Variants in LSAMP observed in about 807,000 individuals in gnomAD.
LSAMP encodes limbic system associated membrane protein, also known as limbic system-associated membrane protein.
Under a neutral mutation model 38.6 loss-of-function variants are expected in LSAMP, and 7 were observed. The observed-to-expected ratio is 0.18, with a 90% CI of 0.10 to 0.34. The LOEUF (loss-of-function observed/expected upper bound fraction) is 0.34, where lower values mean the gene tolerates loss of function less well. LSAMP is among the 10% of genes least tolerant of loss of function. The probability of loss-of-function intolerance (pLI) is 1.00; values close to 1 mark genes in which losing one functional copy is unlikely to be tolerated. For synonymous variants in LSAMP, 154 were observed against 166.8 expected, an observed-to-expected ratio of 0.92 and a Z score of 0.59; for missense variants, 313 against 420.0, an observed-to-expected ratio of 0.75 and a Z score of 2.23.
chr3:116,254,832 T>C (rs958552666), intron 1 of LSAMP, among the ~76,000 whole-genome samples: 5 of 152,208 alleles, frequency 3.3e-5, no homozygotes, highest in African/African-American at 9.6e-5. Flanking sequence ...TAAAAACTCA[T>C]GATTTTGCCA....
In LSAMP at chr3:115,910,050, A is replaced by AT. The variant is rs1183958808; in HGVS notation, c.515-57434dup. ...CATAACAATATTTTTCAGATTATGG[A>AT]TTTTTTTCTCATTTGATCATTATAT... On this transcript the variant is annotated intron_variant, in intron 3 of 6. Coordinates refer to ENST00000490035, the MANE Select transcript of LSAMP (RefSeq NM_002338.5). Among the ~76,000 whole-genome samples the AT allele has an allele frequency of 1.1e-4, 16 of 152,230 alleles. 1 individual carries two copies. In the East Asian group the frequency reaches 1.3e-3, roughly 13 times the overall value.
At chr3:116,402,558 AG>A (rs2048852641) in intron 1 of LSAMP, among the ~76,000 whole-genome samples, 1 of 152,178 alleles carries the variant, frequency 6.6e-6, no homozygotes, top group South Asian at 2.1e-4. Context: ...AACCCTAAAA[AG>A]TATGCTAATA....
At chr3:116,100,613 G>A (rs187732067) in intron 1 of LSAMP, among the ~76,000 whole-genome samples, 20 of 152,134 alleles carry the variant, frequency 1.3e-4, no homozygotes, top group Non-Finnish European at 4.4e-5. Flanking sequence ...TTTGGTCTGC[G>A]ATATTGTATC....
At chr3:116,349,144 A>G (rs1344662490) in intron 1 of LSAMP, among the ~76,000 whole-genome samples, 7 of 152,054 alleles carry the variant, frequency 4.6e-5, no homozygotes, top group Admixed American at 1.3e-4. Context: ...GTGTTTAGAA[A>G]AGTTCTGCAC....
At chr3:116,323,299 T>G (rs2047729369) in intron 1 of LSAMP, among the ~76,000 whole-genome samples, 1 of 152,054 alleles carries the variant, frequency 6.6e-6, no homozygotes, top group African/African-American at 2.4e-5. Flanking sequence ...TTGCATACCT[T>G]TTTTTTCCCC....
intron 1 of LSAMP, among the ~76,000 whole-genome samples, chr3:116,281,368 C>T (rs769210434): frequency 9.2e-5 from 14 of 152,098 alleles, no homozygotes; most frequent in Non-Finnish European, 1.8e-4. Flanking sequence ...TGAGACAATC[C>T]TTAGTATACC....
intron 2 of LSAMP, among the ~76,000 whole-genome samples, chr3:116,036,622 C>T (rs181858729): frequency 2.4e-4 from 36 of 152,174 alleles, no homozygotes; most frequent in Admixed American, 1.1e-3. Context: ...AGTCACTGAG[C>T]CTGGAAATTT....
At chr3:116,062,129 A>G (rs1463153839) in intron 2 of LSAMP, among the ~76,000 whole-genome samples, 2 of 152,240 alleles carry the variant, frequency 1.3e-5, no homozygotes, top group Admixed American at 1.3e-4. Flanking sequence ...TAATAAGCCA[A>G]TGAAATGGAA....
At chr3:115,815,179 CTT>C (rs1390167164) in intron 6 of LSAMP, among the ~76,000 whole-genome samples, 1 of 152,070 alleles carries the variant, frequency 6.6e-6, no homozygotes, top group Non-Finnish European at 1.5e-5. Flanking sequence ...ATTCACATAA[CTT>C]TTATTACAGT....
intron 2 of LSAMP, among the ~76,000 whole-genome samples, chr3:116,031,834 G>A (rs1328994470): frequency 6.6e-6 from 1 of 151,844 alleles, no homozygotes; most frequent in Admixed American, 6.6e-5. Context: ...TAAATAGAAT[G>A]TGGAACATAC....
At chr3:116,257,282 C>T (rs1015158942) in intron 1 of LSAMP, among the ~76,000 whole-genome samples, 2 of 152,164 alleles carry the variant, frequency 1.3e-5, no homozygotes. Context: ...TACTCCATCC[C>T]TCAGAAGGCT....
chr3:116,209,425 TC>T (rs1188101061), intron 1 of LSAMP, among the ~76,000 whole-genome samples: 2 of 152,216 alleles, frequency 1.3e-5, no homozygotes, highest in Non-Finnish European at 2.9e-5. Flanking sequence ...GGCTCTTCCC[TC>T]AAATTTCTAT....
In LSAMP at chr3:115,954,544, C is replaced by G. The variant is rs570868694; in HGVS notation, c.514+64971G>C. 3.9e-5 allele frequency among the ~76,000 whole-genome samples: 6 copies of G among 152,200 alleles called. No homozygotes were observed. The South Asian group carries it at 1.2e-3, about 32-fold the overall frequency. On this transcript the variant is annotated intron_variant, in intron 3 of 6. Coordinates refer to ENST00000490035, the MANE Select transcript of LSAMP (RefSeq NM_002338.5). Reference sequence around the variant, plus strand: ...AAAAAGTACAAAAGTCTGATACATTCCTCTTTGACACATCAGCTGCTGCAC... The same window carrying G: ...AAAAAGTACAAAAGTCTGATACATTGCTCTTTGACACATCAGCTGCTGCAC...
intron 3 of LSAMP, among the ~76,000 whole-genome samples, chr3:115,859,472 G>C (rs1935610786): frequency 1.3e-5 from 2 of 152,200 alleles, no homozygotes; most frequent in African/African-American, 4.8e-5. Flanking sequence ...GCATATGACT[G>C]TTTAGACATT....
intron 1 of LSAMP, among the ~76,000 whole-genome samples, chr3:116,122,310 TTGA>T (rs367729101): frequency 4.4e-4 from 67 of 152,302 alleles, no homozygotes; most frequent in African/African-American, 1.5e-3. Flanking sequence ...AAAGGATATG[TTGA>T]TGATGGTAAT....
At chr3:115,888,644 ACAC>A (rs1470568158) in intron 3 of LSAMP, among the ~76,000 whole-genome samples, 1 of 151,916 alleles carries the variant, frequency 6.6e-6, no homozygotes, top group East Asian at 1.9e-4. Flanking sequence ...CCAGACTTCC[ACAC>A]TTATTGCTTG....
chr3:115,851,448 G>T (rs1010371005), intron 4 of LSAMP, among the ~76,000 whole-genome samples: 8 of 152,086 alleles, frequency 5.3e-5, no homozygotes, highest in African/African-American at 1.9e-4. Context: ...TTGGGTTGTG[G>T]TTTTTCAAAC....
intron 4 of LSAMP, among the ~76,000 whole-genome samples, chr3:115,843,014 G>C (rs1405255983): frequency 6.6e-6 from 1 of 152,178 alleles, no homozygotes; most frequent in Non-Finnish European, 1.5e-5. Context: ...AGATGGCCTT[G>C]AGGAGTCTGA....
chr3:116,062,446 G>GCGGA (rs1442978527), intron 2 of LSAMP, among the ~76,000 whole-genome samples: 1 of 152,154 alleles, frequency 6.6e-6, no homozygotes, highest in Non-Finnish European at 1.5e-5. Flanking sequence ...AACTCAGGAG[G>GCGGA]CGGAGGTTGC....
Sources: gnomAD v4.1 joint callset for allele counts (sites outside exome capture counted in the v4.1 genomes callset) on GRCh38, gnomAD v4.1.1 for gene constraint, MANE v1.5 for transcripts, NCBI Gene and HGNC (gene_info 2026-07-23, HGNC 2026-07-21) for gene names.